The following CTNNA3 variants were observed in gnomAD, a reference collection of about 807,000 sequenced individuals.
The protein encoded by CTNNA3 is catenin alpha-3.
A neutral mutation model predicts 95.7 loss-of-function variants in CTNNA3; 76 were observed. That is an observed-to-expected ratio of 0.79 (90% confidence interval 0.66 to 0.96). The LOEUF (loss-of-function observed/expected upper bound fraction) is 0.96, where lower values mean the gene tolerates loss of function less well. CTNNA3 is among the 40% of genes least tolerant of loss of function. The pLI, the probability that CTNNA3 is intolerant of heterozygous loss-of-function variation, is 0.00. For missense variants in CTNNA3, 1,191 were observed against 1,089.8 expected, an observed-to-expected ratio of 1.09 and a Z score of -1.31; for synonymous variants, 431 against 374.4, an observed-to-expected ratio of 1.15 and a Z score of -1.74.
chr10:67,551,661 C>T (rs1841038284), intron 3 of CTNNA3, among the ~76,000 whole-genome samples: 1 of 152,200 alleles, frequency 6.6e-6, no homozygotes, highest in Admixed American at 6.5e-5. Flanking sequence ...TGGAGCCCCA[C>T]AGCCTGCCCG....
At chr10:66,357,219 T>C (rs2092617851) in intron 12 of CTNNA3, among the ~76,000 whole-genome samples, 1 of 152,128 alleles carries the variant, frequency 6.6e-6, no homozygotes, top group Non-Finnish European at 1.5e-5. Context: ...CCAGGGAAAC[T>C]GTCCAGGCCT....
chr10:67,357,498 T>G (rs1842850272), intron 5 of CTNNA3, among the ~76,000 whole-genome samples: 2 of 152,058 alleles, frequency 1.3e-5, no homozygotes, highest in Admixed American at 1.3e-4. Flanking sequence ...GTATGTAAGA[T>G]CTATAGGAAG....
At chr10:66,619,632 C>A (rs1024323432) in intron 10 of CTNNA3, among the ~76,000 whole-genome samples, 1 of 147,956 alleles carries the variant, frequency 6.8e-6, no homozygotes, top group African/African-American at 2.5e-5. Context: ...TTAATGGGTG[C>A]AGCACACCAG....
At chr10:67,606,593 G>A (rs970441014) in intron 3 of CTNNA3, among the ~76,000 whole-genome samples, 1 of 152,080 alleles carries the variant, frequency 6.6e-6, no homozygotes, top group African/African-American at 2.4e-5. Flanking sequence ...TCTTCTCTTT[G>A]TTTATTATGG....
chr10:66,347,734 T>C (rs546505233), intron 12 of CTNNA3, among the ~76,000 whole-genome samples: 2 of 152,054 alleles, frequency 1.3e-5, no homozygotes, highest in South Asian at 4.2e-4. Flanking sequence ...AAAAGATTAG[T>C]GAATTGGAAA....
intron 17 of CTNNA3, among the ~76,000 whole-genome samples, chr10:65,925,195 C>A (rs2077149018): frequency 6.6e-6 from 1 of 152,176 alleles, no homozygotes; most frequent in Non-Finnish European, 1.5e-5. Flanking sequence ...CTAGTCTAAA[C>A]TTCCACTTTC....
chr10:67,647,163 T>G (rs889648012), intron 2 of CTNNA3, among the ~76,000 whole-genome samples: 8 of 146,886 alleles, frequency 5.4e-5, no homozygotes, highest in Non-Finnish European at 1.2e-4. Context: ...TATATATATA[T>G]ATATATATAT....
chr10:66,703,960 T>C (rs1188378818), intron 9 of CTNNA3, among the ~76,000 whole-genome samples: 1 of 152,154 alleles, frequency 6.6e-6, no homozygotes, highest in East Asian at 1.9e-4. Flanking sequence ...TGTAATATCA[T>C]AGTTTTTCTT....
At chr10:67,435,006 A>G (rs1052166181) in intron 5 of CTNNA3, among the ~76,000 whole-genome samples, 34 of 152,174 alleles carry the variant, frequency 2.2e-4, no homozygotes, top group African/African-American at 8.2e-4. Context: ...TGTTATGCCT[A>G]TTGTTCCGAT....
Position 67,647,495 on chromosome 10 carries a change from T to C in CTNNA3, c.19A>G (p.Ile7Val). Reference sequence around the variant, plus strand: ...TCCTGAGGATCGATATTCAATGTGATTGGTGTTTCAGCTGACATGCTGCCT... The same window carrying C: ...TCCTGAGGATCGATATTCAATGTGACTGGTGTTTCAGCTGACATGCTGCCT... Reference protein sequence around the residue: MSAETPITLNIDPQDLQ... With the variant: MSAETPVTLNIDPQDLQ... The change falls in exon 2 of 18, where the codon ATC becomes GTC. Residue 7 changes from isoleucine (I) to valine (V), a missense_variant. Ile to Val is a conservative substitution (Grantham distance 29, BLOSUM62 3). Transcript: ENST00000433211. The C allele has an allele frequency of 6.2e-7, 1 of 1,613,290 alleles. No homozygotes were observed. The highest frequency in any genetic ancestry group is 8.5e-7 in the Non-Finnish European group (1 of 1,179,430).
chr10:67,417,759 A>G (rs781444033), intron 5 of CTNNA3, among the ~76,000 whole-genome samples: 12 of 152,142 alleles, frequency 7.9e-5, no homozygotes, highest in Non-Finnish European at 1.8e-4. Context: ...CATCCACTGT[A>G]TAAATATGAG....
chr10:66,239,154 TAATC>T (rs1221736652), intron 13 of CTNNA3, among the ~76,000 whole-genome samples: 1 of 151,726 alleles, frequency 6.6e-6, no homozygotes, highest in Admixed American at 6.6e-5. Flanking sequence ...AATAATCAAT[TAATC>T]AATTAATTAC....
intron 11 of CTNNA3, among the ~76,000 whole-genome samples, chr10:66,474,279 G>T (rs113922204): frequency 1.1e-4 from 17 of 152,104 alleles, no homozygotes; most frequent in African/African-American, 4.1e-4. Context: ...AACTTCTTTA[G>T]ATTTCACATA....
At chr10:67,060,971 C>T (rs1342445108) in intron 7 of CTNNA3, among the ~76,000 whole-genome samples, 1 of 152,044 alleles carries the variant, frequency 6.6e-6, no homozygotes, top group Non-Finnish European at 1.5e-5. Context: ...AAAAAGGCAT[C>T]CAGAAGTGAC....
intron 13 of CTNNA3, among the ~76,000 whole-genome samples, chr10:66,273,150 A>G (rs2091318491): frequency 6.6e-6 from 1 of 152,176 alleles, no homozygotes; most frequent in African/African-American, 2.4e-5. Context: ...ACTTAAAGGA[A>G]GCACTTTACA....
At chr10:67,181,899 G>A (rs1009068048) in intron 6 of CTNNA3, among the ~76,000 whole-genome samples, 12 of 152,042 alleles carry the variant, frequency 7.9e-5, no homozygotes, top group African/African-American at 2.9e-4. Context: ...GGTTTTGAGT[G>A]AGTTTCTTAA....
intron 5 of CTNNA3, among the ~76,000 whole-genome samples, chr10:67,392,519 C>A (rs1228824833): frequency 6.6e-6 from 1 of 152,186 alleles, no homozygotes; most frequent in Non-Finnish European, 1.5e-5. Flanking sequence ...GGATCTAGAA[C>A]TACAAATACC....
intron 7 of CTNNA3, among the ~76,000 whole-genome samples, chr10:66,967,976 A>G (rs1292828249): frequency 6.6e-6 from 1 of 152,102 alleles, no homozygotes; most frequent in East Asian, 1.9e-4. Context: ...TTTAACAGCT[A>G]CTGAATTGGA....
intron 13 of CTNNA3, among the ~76,000 whole-genome samples, chr10:66,146,017 C>T (rs528635793): frequency 1.3e-5 from 2 of 152,206 alleles, no homozygotes; most frequent in South Asian, 4.1e-4. Context: ...CCAAGCCCTG[C>T]TAATGTTTGT....
Sources: gnomAD v4.1 joint callset for allele counts (sites outside exome capture counted in the v4.1 genomes callset) on GRCh38, gnomAD v4.1.1 for gene constraint, MANE v1.5 for transcripts, NCBI Gene and HGNC (gene_info 2026-07-23, HGNC 2026-07-21) for gene names.